PCGF3: variants seen among roughly 807,000 people sequenced by gnomAD.
PCGF3 encodes the protein polycomb group ring finger 3, also known as polycomb group RING finger protein 3.
PCGF3 carries 7 observed loss-of-function variants against 33.1 expected under a neutral mutation model. The ratio of observed to expected loss-of-function variants is 0.21; its 90% confidence interval spans 0.12 to 0.40. The LOEUF (loss-of-function observed/expected upper bound fraction) is 0.40, where lower values mean the gene tolerates loss of function less well. PCGF3 is among the 10% of genes least tolerant of loss of function. The pLI, the probability that PCGF3 is intolerant of heterozygous loss-of-function variation, is 1.00. For synonymous variants in PCGF3, 153 were observed against 121.3 expected (o/e 1.26, Z -1.72); for missense variants, 211 against 313.3 (o/e 0.67, Z 2.46).
chr4:761,159 C>G (rs142444509), intron 8 of PCGF3, 120 bp from the exon 9 acceptor site: 2 of 670,784 alleles, frequency 3.0e-6, no homozygotes, highest in Non-Finnish European at 4.6e-6. Flanking sequence ...AAGCAGATGT[C>G]TGATCTCAAA....
At chr4:755,904 C>CTTTTTTTTT (rs570528684) in intron 8 of PCGF3, among the ~76,000 whole-genome samples, 2 of 87,198 alleles carry the variant, frequency 2.3e-5, no homozygotes, top group East Asian at 6.5e-4. Context: ...CAGAATTGTC[C>CTTTTTTTTT]TTTTTTTTTT....
At chr4:752,363 C>G (rs1002567872) in intron 8 of PCGF3, among the ~76,000 whole-genome samples, 2 of 152,226 alleles carry the variant, frequency 1.3e-5, no homozygotes, top group Non-Finnish European at 2.9e-5. Flanking sequence ...GTTTTTTGCT[C>G]TCATCTTTTT....
At position 730,614 on chromosome 4, in the gene PCGF3, T is replaced by A. The variant is rs1300987692; in HGVS notation, c.-189-16T>A. ...CTCCGGCCCACGGGTAACCCTGTTG[T>A]GCTTTTTCTCCGCAGGCGTCACAAT... On this transcript the variant is annotated splice_polypyrimidine_tract_variant and intron_variant, in intron 1 of 10. Transcript: ENST00000362003. The A allele has an allele frequency of 6.1e-6, 1 of 164,796 alleles. No homozygotes were observed. The highest frequency in any genetic ancestry group is 1.7e-4 in the East Asian group (1 of 5,946). The allele number at this position is 164,796 out of a possible 1,614,324, so 10.2% of individuals were successfully genotyped here.
chr4:716,331 G>T, intron 1 of PCGF3, among the ~76,000 whole-genome samples: 1 of 135,236 alleles, frequency 7.4e-6, no homozygotes, highest in Admixed American at 7.3e-5. Context: ...TGGACACTGC[G>T]AGTGTGAGAA....
chr4:732,233 G>A lies in PCGF3; in HGVS notation c.-10+1123G>A, dbSNP rs372131190. Among the ~76,000 whole-genome samples, 24 of 148,824 alleles carry A rather than the reference G, an allele frequency of 1.6e-4. No individual in the cohort carries two copies. The East Asian group carries it at 4.9e-3, about 31-fold the overall frequency. On this transcript the variant is annotated intron_variant, in intron 3 of 10. Coordinates refer to ENST00000362003, the Ensembl canonical transcript of PCGF3. ...GGTGGGCGTGGTCCTTAGGGGCGTAGGGTGGGGCTCCCCCTCCCCTCCCGA... is the reference window on the plus strand; with the variant it reads ...GGTGGGCGTGGTCCTTAGGGGCGTAAGGTGGGGCTCCCCCTCCCCTCCCGA...
At chr4:738,462 GA>G (rs775948794) in intron 6 of PCGF3, among the ~76,000 whole-genome samples, 157 of 152,276 alleles carry the variant, frequency 1.0e-3, no homozygotes, top group Non-Finnish European at 1.9e-3. Context: ...GACACCTTAA[GA>G]AACGTTTGCA....
At chr4:732,915 C>T (rs997365907) in intron 3 of PCGF3, among the ~76,000 whole-genome samples, 2 of 152,360 alleles carry the variant, frequency 1.3e-5, no homozygotes, top group East Asian at 1.9e-4. Flanking sequence ...TGCCGTCGTG[C>T]GGTGACATCG....
intron 1 of PCGF3, among the ~76,000 whole-genome samples, chr4:709,387 T>A (rs1240966782): frequency 6.6e-6 from 1 of 151,436 alleles, no homozygotes; most frequent in Non-Finnish European, 1.5e-5. Context: ...GAATGATGCA[T>A]GAACACATGA....
chr4:725,112 C>G (rs1015196418), intron 1 of PCGF3: 2 of 152,374 alleles, frequency 1.3e-5, no homozygotes, highest in African/African-American at 2.4e-5. Context: ...CGGGCAGATG[C>G]GGGCACAGGA....
intron 1 of PCGF3, among the ~76,000 whole-genome samples, chr4:711,490 G>A (rs1478614289): frequency 1.6e-5 from 2 of 128,154 alleles, no homozygotes; most frequent in African/African-American, 2.9e-5. Flanking sequence ...TCGCTCTGTC[G>A]CCCAGGCCGG....
chr4:764,932 C>A (rs1745279987), intron 9 of PCGF3, 52 bp from the exon 10 acceptor site: 4 of 1,250,366 alleles, frequency 3.2e-6, no homozygotes, highest in Non-Finnish European at 4.7e-6. Context: ...GTGGCCATGT[C>A]AGTGTGGGTT....
chr4:715,429 G>A (rs377405618), intron 1 of PCGF3, among the ~76,000 whole-genome samples: 5 of 129,874 alleles, frequency 3.8e-5, no homozygotes, highest in Non-Finnish European at 8.6e-5. Flanking sequence ...AGCACTGGGC[G>A]TCGGTGCTGG....
chr4:750,731 C>T (rs546873040), intron 8 of PCGF3, among the ~76,000 whole-genome samples: 1 of 151,124 alleles, frequency 6.6e-6, no homozygotes, highest in African/African-American at 2.4e-5. Context: ...CTTGTTTTCT[C>T]CGTGTCTCTG....
intron 4 of PCGF3, chr4:734,004 T>A (rs1369927852): frequency 2.6e-6 from 4 of 1,550,974 alleles, no homozygotes; most frequent in Non-Finnish European, 3.5e-6. Flanking sequence ...AGGCCTCGCT[T>A]AGGAGAGCGA....
In PCGF3 at chr4:734,084, G is replaced by C. The variant is rs977125819; in HGVS notation, c.109+295G>C. ...AGTAGCCGCTGTGACAGTGCTCACT[G>C]CTGGCAGTTTCCAAATCTCCAGAGG... On this transcript the variant is annotated intron_variant, in intron 4 of 10. Coordinates refer to ENST00000362003, the Ensembl canonical transcript of PCGF3. 3.9e-6 allele frequency: 6 copies of C among 1,550,612 alleles called. No individual in the cohort carries two copies. The African/African-American group carries it at 4.1e-5, about 11-fold the overall frequency.
Position 754,606 on chromosome 4 carries a change from G to A in PCGF3, c.463-6673G>A, listed in dbSNP as rs557053547. Among the ~76,000 whole-genome samples, 19 of 152,338 alleles carry A rather than the reference G, an allele frequency of 1.2e-4. No individual in the cohort carries two copies. The East Asian group carries it at 1.9e-3, about 15-fold the overall frequency. On this transcript the variant is annotated intron_variant, in intron 8 of 10. Coordinates refer to ENST00000362003, the Ensembl canonical transcript of PCGF3. The stretch of plus-strand genomic sequence containing the variant: ...CCCACGTGCCGTGGGTGGTGAGTCC[G>A]GGGCAGAGTGAACGGGTAAGGCTGG...
At chr4:748,642 A>AG (rs1310120485) in intron 8 of PCGF3, among the ~76,000 whole-genome samples, 3 of 152,134 alleles carry the variant, frequency 2.0e-5, no homozygotes, top group African/African-American at 7.2e-5. Context: ...AGGGGTCCGG[A>AG]GGGGCAGGAA....
intron 1 of PCGF3, among the ~76,000 whole-genome samples, chr4:709,593 G>A (rs934448475): frequency 5.3e-5 from 8 of 152,268 alleles, no homozygotes; most frequent in African/African-American, 1.4e-4. Context: ...AGGCAGGGCC[G>A]CTCTTCAGAG....
chr4:766,284 C>G (rs1016931397), exon 11 of PCGF3: 4 of 541,182 alleles, frequency 7.4e-6, no homozygotes, highest in Admixed American at 6.8e-5. Context: ...TCACAGTCTC[C>G]CAGAGCCGAT....
Sources: allele counts gnomAD v4.1 joint callset (sites outside exome capture counted in the v4.1 genomes callset), GRCh38; gene constraint gnomAD v4.1.1; transcripts MANE v1.5; gene names NCBI Gene and HGNC (gene_info 2026-07-23, HGNC 2026-07-21).